ELMO2: variants seen among roughly 807,000 people sequenced by gnomAD.
ELMO2 encodes engulfment and cell motility protein 2.
In ELMO2, 37 loss-of-function variants were observed where a neutral mutation model predicts 96.2. That is an observed-to-expected ratio of 0.38 (90% CI 0.30 to 0.51). The LOEUF is 0.51. Among genes scored for constraint, ELMO2 ranks in the 20% least tolerant of loss-of-function variants. The probability of loss-of-function intolerance (pLI) is 0.88; values close to 1 mark genes in which losing one functional copy is unlikely to be tolerated. For synonymous variants in ELMO2, 315 were observed against 329.4 expected, an observed-to-expected ratio of 0.96 and a Z score of 0.47; for missense variants, 561 against 912.6, an observed-to-expected ratio of 0.61 and a Z score of 4.96.
chr20:46,378,155 A>G (rs1338977525), intron 11 of ELMO2, among the ~76,000 whole-genome samples: 1 of 152,230 alleles, frequency 6.6e-6, no homozygotes, highest in Non-Finnish European at 1.5e-5. Context: ...CCTAGCATCA[A>G]TGGCTTAAAG....
chr20:46,371,904 C>T lies in ELMO2; in HGVS notation c.1482G>A (p.Gln494=). The T allele has an allele frequency of 6.2e-7, 1 of 1,614,084 alleles. No individual in the cohort carries two copies. The highest frequency in any genetic ancestry group is 2.2e-5 in the East Asian group (1 of 44,898). Reference sequence around the variant, plus strand: ...TCAGGCTACGCAATTTGCTCTTGAACTGATCCAAAGAGTTGGGTTTGGAGG... The same window carrying T: ...TCAGGCTACGCAATTTGCTCTTGAATTGATCCAAAGAGTTGGGTTTGGAGG... ...ALPSKPNSLD[Q]FKSKLRSLSY... The change falls in exon 17 of 22, where the codon CAG becomes CAA. Residue 494 remains glutamine (Q), a synonymous_variant. Coordinates refer to ENST00000290246, the MANE Select transcript of ELMO2 (RefSeq NM_133171.5). The surrounding 1 kb of genome is among the most constrained non-coding windows in gnomAD (Gnocchi z 5.9).
chr20:46,394,293 G>A (rs1311059598), intron 3 of ELMO2, 112 bp downstream of exon 3: 6 of 1,317,804 alleles, frequency 4.6e-6, no homozygotes, highest in Non-Finnish European at 6.5e-6. Context: ...TAGCCTTCCT[G>A]TTGCTCGTTC....
Position 46,387,451 on chromosome 20 carries a change from AAC to A in ELMO2, c.426-16_426-15del. On this transcript the variant is annotated splice_polypyrimidine_tract_variant and intron_variant, in intron 7 of 21. Coordinates refer to ENST00000290246, the MANE Select transcript of ELMO2 (RefSeq NM_133171.5). ...ATCTCACTGTAGCTGAGACACGTGC[AAC>A]ACACACACAAAATAGACAAAGATTC... 5.0e-6 allele frequency: 8 copies of A among 1,601,700 alleles called. No individual in the cohort carries two copies. The highest frequency in any genetic ancestry group is 6.0e-6 in the Non-Finnish European group (7 of 1,168,948).
rs367851666 is a variant in ELMO2, at chr20:46,373,368, G to A, written c.1416+31C>T. ...GGCTGTCGTGTGATGGTCTCCTCCC[G>A]TGGGCCTCAGAGCAGCCCGGAGACA... is the stretch of plus-strand genomic sequence containing the variant. On this transcript the variant is annotated intron_variant, in intron 16 of 21. Transcript: ENST00000290246. 61 of 1,612,428 alleles carry A rather than the reference G, an allele frequency of 3.8e-5. No individual in the cohort carries two copies. The Admixed American group carries it at 6.5e-4, about 17-fold the overall frequency.
intron 7 of ELMO2, chr20:46,387,882 TC>T (rs2060077789): frequency 1.3e-5 from 2 of 153,542 alleles, no homozygotes; most frequent in Non-Finnish European, 2.9e-5. Context: ...GCAAATTTTA[TC>T]TTTTCAAAAT....
rs531332984 is a variant in ELMO2, at chr20:46,392,482, G to T, written c.243+611C>A. On this transcript the variant is annotated intron_variant, in intron 6 of 21. Coordinates refer to ENST00000290246, the MANE Select transcript of ELMO2 (RefSeq NM_133171.5). ...CTTCTTAAGGCCCATCTTCCACATG[G>T]TCACTAAAGTGATCTTTCTAAAACT... 3.9e-5 allele frequency among the ~76,000 whole-genome samples: 6 copies of T among 152,246 alleles called. No individual in the cohort carries two copies. In the South Asian group the frequency reaches 1.2e-3, roughly 32 times the overall value.
chr20:46,394,338 A>T lies in ELMO2; in HGVS notation c.78+67T>A. 1.9e-6 allele frequency: 3 copies of T among 1,543,562 alleles called. No homozygotes were observed. In the South Asian group the frequency reaches 3.4e-5, roughly 17 times the overall value. On this transcript the variant is annotated intron_variant, in intron 3 of 21. Coordinates refer to ENST00000290246, the MANE Select transcript of ELMO2 (RefSeq NM_133171.5). ...ATGCCGGTGGTCCCCATCCCTCAAG[A>T]TGTCCTCTGCCATGCACTCCCCAGG...
intron 16 of ELMO2, 44 bp downstream of exon 16, chr20:46,373,355 A>T: frequency 6.2e-7 from 1 of 1,609,320 alleles, no homozygotes; most frequent in Non-Finnish European, 8.5e-7. Context: ...CTGTCGTGTG[A>T]TGGTCTCCTC....
At chr20:46,384,675 T>A (rs1428389265) in intron 9 of ELMO2, among the ~76,000 whole-genome samples, 1 of 151,998 alleles carries the variant, frequency 6.6e-6, no homozygotes, top group Non-Finnish European at 1.5e-5. Flanking sequence ...AAGCTGAGGC[T>A]AGACCAGGCA....
chr20:46,380,096 CG>C (rs2059929093), intron 11 of ELMO2, 156 bp downstream of exon 11: 1 of 606,342 alleles, frequency 1.6e-6, no homozygotes. Flanking sequence ...CAGAGGATCG[CG>C]GGAAAAAGCT....
Position 46,375,358 on chromosome 20 carries a change from T to C in ELMO2, c.943A>G (p.Ile315Val), listed in dbSNP as rs370689922. Reference sequence around the variant, plus strand: ...GCAATCCTCCTCAGTTCAAATATGATGTCCCTTTGAGCCTGCGAGGTGAAA... The same window carrying C: ...GCAATCCTCCTCAGTTCAAATATGACGTCCCTTTGAGCCTGCGAGGTGAAA... ...MDPNDQAQRD[I>V]IFELRRIAFD... is the part of the protein sequence containing the mutation. The change falls in exon 13 of 22, where the codon ATC becomes GTC. Residue 315 changes from isoleucine (I) to valine (V), a missense_variant. Ile to Val is a conservative substitution (Grantham distance 29). Transcript: ENST00000290246. The surrounding 1 kb of genome is among the most constrained non-coding windows in gnomAD (Gnocchi z 4.6). The C allele has an allele frequency of 3.7e-6, 6 of 1,614,100 alleles. No homozygotes were observed. Among genetic ancestry groups the C allele is most frequent in the Admixed American group, 3.3e-5 (2 of 60,008 alleles).
intron 8 of ELMO2, among the ~76,000 whole-genome samples, chr20:46,386,899 TC>T (rs1203231161): frequency 6.6e-6 from 1 of 152,204 alleles, no homozygotes; most frequent in Non-Finnish European, 1.5e-5. Flanking sequence ...AAGTACCCTC[TC>T]CTACCCACTG....
In ELMO2 at chr20:46,367,344, G is replaced by A. The variant is rs781217194; in HGVS notation, c.*16C>T. On this transcript the variant is annotated 3_prime_UTR_variant, in exon 22 of 22. Coordinates refer to ENST00000290246, the MANE Select transcript of ELMO2 (RefSeq NM_133171.5). Reference sequence around the variant, plus strand: ...AAAATCCCTTCTCCTGGGTACCGTCGTTTCTGGCTCCAGGCTCAGCCATAG... The same window carrying A: ...AAAATCCCTTCTCCTGGGTACCGTCATTTCTGGCTCCAGGCTCAGCCATAG... 3.3e-5 allele frequency: 49 copies of A among 1,479,650 alleles called. No individual in the cohort carries two copies. Among genetic ancestry groups the A allele is most frequent in the Admixed American group, 1.3e-4 (5 of 39,964 alleles). The allele number at this position is 1,479,650 out of a possible 1,614,324, so 91.7% of individuals were successfully genotyped here.
At chr20:46,395,000 T>C (rs2060219688) in intron 2 of ELMO2, among the ~76,000 whole-genome samples, 1 of 152,162 alleles carries the variant, frequency 6.6e-6, no homozygotes. Context: ...ACATGCTCTC[T>C]TGCTTCCTCC....
rs761275211 is a variant in ELMO2 at position 46,389,234 on chromosome 20, G to C, written c.244-14C>G. The C allele has an allele frequency of 4.2e-5, 68 of 1,611,438 alleles. No homozygotes were observed. The highest frequency in any genetic ancestry group is 5.5e-5 in the Non-Finnish European group (65 of 1,178,630). On this transcript the variant is annotated splice_polypyrimidine_tract_variant and intron_variant, in intron 6 of 21. Coordinates refer to ENST00000290246, the MANE Select transcript of ELMO2 (RefSeq NM_133171.5). ...TGCAGCCCGGGACTAGGAGGCCAGG[G>C]ACAAGATATGTGCCATCTGCTCCTT...
chr20:46,393,002 G>C, intron 6 of ELMO2, 91 bp downstream of exon 6: 2 of 1,125,370 alleles, frequency 1.8e-6, no homozygotes, highest in African/African-American at 1.5e-5. Flanking sequence ...TATCTCCAGA[G>C]TACTTATTTC....
chr20:46,401,992 A>G (rs1400857252), intron 1 of ELMO2, among the ~76,000 whole-genome samples: 2 of 152,162 alleles, frequency 1.3e-5, no homozygotes, highest in African/African-American at 4.8e-5. Flanking sequence ...TATCCCTGGG[A>G]GCCCAGACCC....
At chr20:46,393,206 G>T in intron 5 of ELMO2, 63 bp from the exon 6 acceptor site, 1 of 1,497,784 alleles carries the variant, frequency 6.7e-7, no homozygotes, top group Non-Finnish European at 9.3e-7. Context: ...GTACAAGCAA[G>T]TTGAATCAAC....
In ELMO2 at chr20:46,393,147, G is replaced by A. The variant is rs773838743; in HGVS notation, c.193-4C>T. ...CATTCTTAATGTCACTGCGAGTCTG[G>A]GTAGTGAAAAATAAACAAAAAAAGT... On this transcript the variant is annotated splice_polypyrimidine_tract_variant and splice_region_variant and intron_variant, in intron 5 of 21. Transcript: ENST00000290246. 6.2e-7 allele frequency: 1 copy of A among 1,613,542 alleles called. No individual in the cohort carries two copies. The highest frequency in any genetic ancestry group is 8.5e-7 in the Non-Finnish European group (1 of 1,179,710).
Sources: allele counts gnomAD v4.1 joint callset (sites outside exome capture counted in the v4.1 genomes callset), GRCh38; gene constraint gnomAD v4.1.1; non-coding constraint Gnocchi (gnomAD v3.1); transcripts MANE v1.5; gene names NCBI Gene and HGNC (gene_info 2026-07-23, HGNC 2026-07-21).